The following SATB2 variants were observed in gnomAD, a reference collection of about 807,000 sequenced individuals.
SATB2 encodes SATB homeobox 2.
In SATB2, 1 loss-of-function variant was observed where a neutral mutation model predicts 73.4. The observed-to-expected ratio is 0.01, with a 90% CI of 0.00 to 0.06. The LOEUF (loss-of-function observed/expected upper bound fraction) is 0.06. Ranked by LOEUF, SATB2 falls within the 10% of genes least tolerant of loss-of-function variation. SATB2 has a pLI of 1.00. For missense variants in SATB2, 459 were observed against 945.8 expected, an observed-to-expected ratio of 0.49 and a Z score of 6.75; for synonymous variants, 397 against 367.0, an observed-to-expected ratio of 1.08 and a Z score of -0.93.
intron 9 of SATB2, among the ~76,000 whole-genome samples, chr2:199,321,535 CAT>C (rs1687891779): frequency 6.7e-6 from 1 of 149,230 alleles, no homozygotes; most frequent in Non-Finnish European, 1.5e-5. Context: ...TACATATATA[CAT>C]ATATGTGTAT....
At chr2:199,396,777 G>A (rs1422398760) in intron 3 of SATB2, 1 of 152,052 alleles carries the variant, frequency 6.6e-6, no homozygotes, top group Admixed American at 6.6e-5. Context: ...CACTAATCAG[G>A]CCCAACGGAA....
chr2:199,386,820 T>A (rs1315950139), intron 3 of SATB2, among the ~76,000 whole-genome samples: 2 of 151,860 alleles, frequency 1.3e-5, no homozygotes, highest in African/African-American at 2.4e-5. Context: ...CAATTTCCAT[T>A]TTTTCTCTGA....
intron 10 of SATB2, among the ~76,000 whole-genome samples, chr2:199,276,989 AC>A (rs985751006): frequency 6.6e-6 from 1 of 152,238 alleles, no homozygotes; most frequent in African/African-American, 2.4e-5. Flanking sequence ...GGAAAAATGA[AC>A]TATTGCTATA....
rs577253327 is a variant in SATB2, at chr2:199,317,929, G to A, written c.1542+5874C>T. ...ATATTTTTCAAATGGTATTTTTAGC[G>A]TACATATATTAAACTTTTTTGAATT... On this transcript the variant is annotated intron_variant, in intron 9 of 10. Coordinates refer to ENST00000417098, the MANE Select transcript of SATB2 (RefSeq NM_001172509.2). Among the ~76,000 whole-genome samples, 33 of 152,000 alleles carry A rather than the reference G, an allele frequency of 2.2e-4. 1 individual carries two copies. The highest frequency in any genetic ancestry group is 6.8e-3 in the Middle Eastern group (2 of 294).
chr2:199,358,414 T>C (rs959852980), intron 6 of SATB2, among the ~76,000 whole-genome samples: 4 of 151,952 alleles, frequency 2.6e-5, no homozygotes, highest in African/African-American at 9.7e-5. Context: ...ACCAGATGAG[T>C]TCACCAAATA....
At chr2:199,358,664 T>A (rs1348697966) in intron 6 of SATB2, among the ~76,000 whole-genome samples, 2 of 152,192 alleles carry the variant, frequency 1.3e-5, no homozygotes, top group African/African-American at 4.8e-5. Flanking sequence ...AGCATTGTGA[T>A]AATACCATAT....
chr2:199,345,856 G>T (rs1420675894), intron 7 of SATB2, among the ~76,000 whole-genome samples: 1 of 152,130 alleles, frequency 6.6e-6, no homozygotes, highest in Non-Finnish European at 1.5e-5. Context: ...TCCAGTGCCT[G>T]TTAAAGTTCA....
exon 1 of SATB2, chr2:199,471,124 G>C (rs1357323111): frequency 6.6e-6 from 1 of 152,426 alleles, no homozygotes; most frequent in Non-Finnish European, 1.5e-5. Context: ...GGGTATCCCA[G>C]GGCATCCGGA....
intron 2 of SATB2, among the ~76,000 whole-genome samples, chr2:199,446,175 G>A (rs567843158): frequency 1.0e-3 from 152 of 152,156 alleles, no homozygotes; most frequent in African/African-American, 3.4e-3. Flanking sequence ...TTCTAATAAA[G>A]AAGAATAGCA....
rs7596597 is a variant in SATB2 at position 199,433,590 on chromosome 2, A to G, written c.170-76T>C. ...CAGTCACCACGATGAGAAGGGAAGC[A>G]ACAGTTATAAAAGTCAGTCATCTGT... is the stretch of plus-strand genomic sequence containing the variant. On this transcript the variant is annotated intron_variant, in intron 2 of 10. Coordinates refer to ENST00000417098, the MANE Select transcript of SATB2 (RefSeq NM_001172509.2). 0.99 allele frequency: 1,308,421 copies of G among 1,323,902 alleles called. 647,863 individuals carry two copies. Among genetic ancestry groups the G allele is most frequent in the East Asian group, 1 (43,497 of 43,498 alleles). The allele number at this position is 1,323,902 out of a possible 1,614,324, so 82.0% of individuals were successfully genotyped here. A position where few individuals can be genotyped will look rare whatever the true frequency, so the allele number is the denominator to read the frequency against.
chr2:199,340,912 G>A (rs2105812516), intron 7 of SATB2, among the ~76,000 whole-genome samples: 1 of 152,130 alleles, frequency 6.6e-6, no homozygotes, highest in South Asian at 2.1e-4. Flanking sequence ...AGTAAAAGGG[G>A]GATTTCTGAA....
chr2:199,342,553 G>A (rs1236436812), intron 7 of SATB2, among the ~76,000 whole-genome samples: 1 of 152,110 alleles, frequency 6.6e-6, no homozygotes, highest in East Asian at 1.9e-4. Context: ...AAACACGTTA[G>A]TCTCAGGCTC....
At chr2:199,362,500 A>C (rs1341283240) in intron 6 of SATB2, among the ~76,000 whole-genome samples, 1 of 151,884 alleles carries the variant, frequency 6.6e-6, no homozygotes, top group African/African-American at 2.4e-5. Context: ...AGGACAACAC[A>C]ACCAGAGGTA....
At chr2:199,394,693 CAG>C (rs1690246848) in intron 3 of SATB2, among the ~76,000 whole-genome samples, 1 of 152,022 alleles carries the variant, frequency 6.6e-6, no homozygotes, top group East Asian at 1.9e-4. Flanking sequence ...CCCAGCTACT[CAG>C]GGGGCTGACA....
At chr2:199,429,330 C>T (rs1691430705) in intron 3 of SATB2, among the ~76,000 whole-genome samples, 1 of 152,142 alleles carries the variant, frequency 6.6e-6, no homozygotes, top group Non-Finnish European at 1.5e-5. Context: ...ACCTACTCTG[C>T]TGATTATTCT....
intron 3 of SATB2, among the ~76,000 whole-genome samples, chr2:199,408,679 C>CAA (rs11306098): frequency 7.4e-6 from 1 of 135,156 alleles, no homozygotes; most frequent in Non-Finnish European, 1.6e-5. Flanking sequence ...GTTTAGTCCA[C>CAA]AAAAAAAAAA....
chr2:199,461,401 A>G (rs937355939), upstream of SATB2, among the ~76,000 whole-genome samples: 2 of 152,260 alleles, frequency 1.3e-5, no homozygotes, highest in African/African-American at 4.8e-5. Context: ...GTAAATGAAT[A>G]AATTTGCTGA....
intron 10 of SATB2, among the ~76,000 whole-genome samples, chr2:199,293,096 T>C (rs978760114): frequency 2.6e-5 from 4 of 152,188 alleles, no homozygotes; most frequent in Non-Finnish European, 5.9e-5. Context: ...GAGAATATTG[T>C]CCCCTAATTT....
chr2:199,433,186 C>T, intron 3 of SATB2, 152 bp downstream of exon 3: 1 of 794,846 alleles, frequency 1.3e-6, no homozygotes, highest in Non-Finnish European at 2.0e-6. Flanking sequence ...GAAACAAGAC[C>T]TTCTACAAGA....
Sources: gnomAD v4.1 joint callset for allele counts (sites outside exome capture counted in the v4.1 genomes callset) on GRCh38, gnomAD v4.1.1 for gene constraint, MANE v1.5 for transcripts, NCBI Gene and HGNC (gene_info 2026-07-23, HGNC 2026-07-21) for gene names.